Variants in NOL4 observed in about 807,000 individuals in gnomAD.
NOL4 encodes the protein cancer/testis antigen 125.
NOL4 carries 17 observed loss-of-function variants against 75.9 expected under a neutral mutation model. The ratio of observed to expected loss-of-function variants is 0.22; its 90% CI spans 0.15 to 0.34. The LOEUF (loss-of-function observed/expected upper bound fraction) is 0.34, where lower values mean the gene tolerates loss of function less well. Among genes scored for constraint, NOL4 ranks in the 10% least tolerant of loss-of-function variants. The probability of loss-of-function intolerance (pLI) is 1.00; values close to 1 mark genes in which losing one functional copy is unlikely to be tolerated. For synonymous variants in NOL4, 292 were observed against 289.9 expected, an observed-to-expected ratio of 1.01 and a Z score of -0.07; for missense variants, 614 against 793.5, an observed-to-expected ratio of 0.77 and a Z score of 2.72.
rs369592098 is a variant in NOL4, at chr18:34,181,369, C to T, written c.264+41621G>A. Among the ~76,000 whole-genome samples the T allele has an allele frequency of 4.0e-5, 6 of 151,420 alleles. No individual in the cohort carries two copies. The South Asian group carries it at 8.3e-4, about 21-fold the overall frequency. ...GTGCTGTGACTACTAGATATGCACA[C>T]GTTAAAAATGAATTTGAATACCTAT... On this transcript the variant is annotated intron_variant, in intron 1 of 10. Coordinates refer to ENST00000261592, the MANE Select transcript of NOL4 (RefSeq NM_003787.5).
intron 10 of NOL4, among the ~76,000 whole-genome samples, chr18:33,879,935 A>C (rs2064158201): frequency 6.6e-6 from 1 of 152,052 alleles, no homozygotes; most frequent in African/African-American, 2.4e-5. Flanking sequence ...CTATTAATAT[A>C]TACTGTCAAA....
chr18:34,130,363 T>C (rs1452658720), intron 1 of NOL4, among the ~76,000 whole-genome samples: 1 of 152,046 alleles, frequency 6.6e-6, no homozygotes, highest in Non-Finnish European at 1.5e-5. Flanking sequence ...TTTTTTATTG[T>C]AATAATTAAA....
rs2077777300 is a variant in NOL4, at chr18:34,077,070, C to T, written c.772+16395G>A. 9.9e-5 allele frequency among the ~76,000 whole-genome samples: 15 copies of T among 152,274 alleles called. No homozygotes were observed. In the South Asian group the frequency reaches 3.1e-3, roughly 32 times the overall value. The stretch of plus-strand genomic sequence containing the variant: ...CCTATAATCCCAGCACTTTCGAAGG[C>T]TGAGGTGGGTGGATCACTTGAGTCC... On this transcript the variant is annotated intron_variant, in intron 5 of 10. Transcript: ENST00000261592.
intron 1 of NOL4, chr18:34,222,429 C>T (rs996622843): frequency 2.7e-6 from 3 of 1,108,164 alleles, no homozygotes; most frequent in East Asian, 6.6e-5. Context: ...TCGAGGCATT[C>T]GGGCTGCCCC....
chr18:34,002,028 C>T (rs1334981338), intron 6 of NOL4, among the ~76,000 whole-genome samples: 1 of 152,056 alleles, frequency 6.6e-6, no homozygotes, highest in Non-Finnish European at 1.5e-5. Context: ...TAGTACCACT[C>T]ACCCAGGTCC....
At chr18:33,854,489 A>G (rs750090224) in intron 10 of NOL4, among the ~76,000 whole-genome samples, 42 of 152,098 alleles carry the variant, frequency 2.8e-4, no homozygotes, top group Non-Finnish European at 5.9e-4. Flanking sequence ...GAGATGTGCG[A>G]TGTCACATTT....
In NOL4 at chr18:34,109,757, G is replaced by T. The variant is rs2079493653; in HGVS notation, c.415-4597C>A. ...ATTTTTTGAAAAGATATACAAAATT[G>T]ACAAAACTTTACCTAGACCAAGAAA... On this transcript the variant is annotated intron_variant, in intron 2 of 10. Transcript: ENST00000261592. Among the ~76,000 whole-genome samples the T allele has an allele frequency of 2.0e-5, 3 of 151,324 alleles. No homozygotes were observed. In the South Asian group the frequency reaches 6.2e-4, roughly 32 times the overall value.
At chr18:34,049,924 T>A (rs181984546) in intron 5 of NOL4, among the ~76,000 whole-genome samples, 8 of 152,152 alleles carry the variant, frequency 5.3e-5, no homozygotes, top group Non-Finnish European at 1.2e-4. Context: ...TTCTTGCTTG[T>A]CACCCTAATG....
At chr18:34,204,038 G>A (rs1157383437) in intron 1 of NOL4, among the ~76,000 whole-genome samples, 1 of 151,838 alleles carries the variant, frequency 6.6e-6, no homozygotes, top group Non-Finnish European at 1.5e-5. Flanking sequence ...TTATTTCCTG[G>A]CCTCACCTGA....
chr18:34,216,175 T>C (rs1678114826), intron 1 of NOL4, among the ~76,000 whole-genome samples: 1 of 152,140 alleles, frequency 6.6e-6, no homozygotes, highest in African/African-American at 2.4e-5. Flanking sequence ...CAGGACAAAA[T>C]ATAGAGTTAG....
chr18:33,934,005 G>T (rs1296717209), intron 9 of NOL4, among the ~76,000 whole-genome samples: 1 of 152,066 alleles, frequency 6.6e-6, no homozygotes, highest in Non-Finnish European at 1.5e-5. Flanking sequence ...AGACCTGAAA[G>T]TATGATTACT....
At chr18:33,934,784 A>G (rs1014432256) in intron 9 of NOL4, among the ~76,000 whole-genome samples, 3 of 151,868 alleles carry the variant, frequency 2.0e-5, no homozygotes, top group Non-Finnish European at 4.4e-5. Context: ...ATCTTCTATA[A>G]GACCATGAAA....
intron 9 of NOL4, among the ~76,000 whole-genome samples, chr18:33,933,283 C>T (rs1204968591): frequency 6.6e-6 from 1 of 152,114 alleles, no homozygotes. Context: ...TCTGAGTCTT[C>T]TTGAGTCAAA....
At chr18:34,222,293 C>A in intron 1 of NOL4, 9 of 1,302,760 alleles carry the variant, frequency 6.9e-6, no homozygotes, top group Non-Finnish European at 5.8e-6. Context: ...CTTTGTTGTT[C>A]ATCTTCTAGC....
At chr18:33,925,590 C>T (rs1325722630) in intron 9 of NOL4, among the ~76,000 whole-genome samples, 1 of 152,116 alleles carries the variant, frequency 6.6e-6, no homozygotes, top group Non-Finnish European at 1.5e-5. Context: ...CTGAGTTCTG[C>T]AACCAACGTA....
chr18:34,043,220 T>C (rs1322727739), intron 5 of NOL4, among the ~76,000 whole-genome samples: 4 of 152,124 alleles, frequency 2.6e-5, no homozygotes, highest in Non-Finnish European at 4.4e-5. Context: ...TGGGGGTTTA[T>C]TAAATGCTCA....
At chr18:33,902,003 A>T (rs2144996441) in intron 9 of NOL4, among the ~76,000 whole-genome samples, 1 of 152,216 alleles carries the variant, frequency 6.6e-6, no homozygotes, top group East Asian at 1.9e-4. Flanking sequence ...TATATGGTAA[A>T]TTTTGGTCCT....
At chr18:34,011,956 A>C (rs1005977550) in intron 6 of NOL4, among the ~76,000 whole-genome samples, 1 of 151,860 alleles carries the variant, frequency 6.6e-6, no homozygotes, top group African/African-American at 2.4e-5. Context: ...AATCAACTTC[A>C]CCTTGCACTT....
intron 4 of NOL4, among the ~76,000 whole-genome samples, chr18:34,098,506 G>T (rs917253852): frequency 1.2e-4 from 18 of 152,130 alleles, no homozygotes; most frequent in African/African-American, 4.3e-4. Context: ...AATGATCCTA[G>T]CCTATGCCAG....
Sources: allele counts gnomAD v4.1 joint callset (sites outside exome capture counted in the v4.1 genomes callset), GRCh38; gene constraint gnomAD v4.1.1; transcripts MANE v1.5; gene names NCBI Gene and HGNC (gene_info 2026-07-23, HGNC 2026-07-21).